Variants in LMBR1 observed in about 807,000 individuals in gnomAD.
The protein encoded by LMBR1 is limb development membrane protein 1.
LMBR1 carries 52 observed loss-of-function variants against 73.9 expected under a neutral mutation model. That is an observed-to-expected ratio of 0.70 (90% CI 0.56 to 0.89). LMBR1 has a LOEUF of 0.89. Among genes scored for constraint, LMBR1 ranks in the 40% least tolerant of loss-of-function variants. The probability of loss-of-function intolerance (pLI) is 0.00; values close to 1 mark genes in which losing one functional copy is unlikely to be tolerated. For synonymous variants in LMBR1, 215 were observed against 209.4 expected, an observed-to-expected ratio of 1.03 and a Z score of -0.23; for missense variants, 539 against 579.8, an observed-to-expected ratio of 0.93 and a Z score of 0.72.
rs752911856 is a variant in LMBR1, at chr7:156,724,141, G to C, written c.1196C>G (p.Ser399Cys). The C allele has an allele frequency of 1.9e-6, 3 of 1,611,098 alleles. No homozygotes were observed. Among genetic ancestry groups the C allele is most frequent in the Non-Finnish European group, 2.5e-6 (3 of 1,178,510 alleles). ...TGTTCTCGACATCACAGGCAGAGCA[G>C]AGCTCAAAACCAAGATGGACACACA... is the stretch of plus-strand genomic sequence containing the variant. ...GNCVSILVLS[S>C]ALPVMSRTLG... Residue 399 changes from serine (S) to cysteine (C), a missense_variant, in exon 15 of 17, where the codon TCT (serine) becomes TGT (cysteine). Ser to Cys is a moderately radical substitution (Grantham distance 112). Coordinates refer to ENST00000353442, the MANE Select transcript of LMBR1 (RefSeq NM_022458.4).
chr7:156,831,603 A>T (rs1836707460), intron 3 of LMBR1, among the ~76,000 whole-genome samples: 2 of 152,124 alleles, frequency 1.3e-5, no homozygotes. Flanking sequence ...GACCTTCAGG[A>T]AGAGGATTTC....
Position 156,669,518 on chromosome 7 carries a change from G to A in LMBR1, n.867-231C>T, listed in dbSNP as rs1055675950. Among the ~76,000 whole-genome samples the A allele has an allele frequency of 2.0e-5, 3 of 152,172 alleles. No homozygotes were observed. Among genetic ancestry groups the A allele is most frequent in the Non-Finnish European group, 4.4e-5 (3 of 68,026 alleles). On this transcript the variant is annotated intron_variant and non_coding_transcript_variant, in intron 4 of 4. Transcript: ENST00000430825. The surrounding 1 kb of genome is among the most constrained non-coding windows in gnomAD (Gnocchi z 4.2). The stretch of plus-strand genomic sequence containing the variant: ...CACGGCTTAGCATGTGGGAGGGGCA[G>A]GCTGGCAGAGTGTGAGCCGCTGGGC...
chr7:156,688,275 G>A (rs1467147164), intron 15 of LMBR1, 84 bp from the exon 16 acceptor site: 11 of 886,524 alleles, frequency 1.2e-5, no homozygotes, highest in African/African-American at 1.2e-4. Context: ...AAGTTAGATC[G>A]AATTCTATGG....
chr7:156,887,770 C>G (rs1802175514), intron 1 of LMBR1, among the ~76,000 whole-genome samples: 1 of 152,142 alleles, frequency 6.6e-6, no homozygotes, highest in African/African-American at 2.4e-5. Flanking sequence ...AATCACATGT[C>G]TGATAAGGGG....
At chr7:156,744,182 T>A (rs1819421230) in intron 9 of LMBR1, among the ~76,000 whole-genome samples, 1 of 152,118 alleles carries the variant, frequency 6.6e-6, no homozygotes, top group Admixed American at 6.6e-5. Flanking sequence ...GGACTACAGG[T>A]GCGTGCCGCC....
intron 5 of LMBR1, among the ~76,000 whole-genome samples, chr7:156,765,077 C>T (rs1485178593): frequency 6.6e-6 from 1 of 152,176 alleles, no homozygotes; most frequent in Non-Finnish European, 1.5e-5. Flanking sequence ...AGCTATTAAT[C>T]ACAGGAGATG....
intron 1 of LMBR1, among the ~76,000 whole-genome samples, chr7:156,875,738 TAC>T (rs1219039570): frequency 1.3e-5 from 2 of 152,134 alleles, no homozygotes; most frequent in African/African-American, 4.8e-5. Context: ...GAAGGAAAGA[TAC>T]AGTCTTTTTC....
chr7:156,873,752 A>G (rs1799706351), intron 1 of LMBR1, among the ~76,000 whole-genome samples: 1 of 148,894 alleles, frequency 6.7e-6, no homozygotes. Context: ...TGATTGGTGT[A>G]TTTACAATCC....
At position 156,769,101 on chromosome 7, in the gene LMBR1, A is replaced by G. The variant is rs995497901; in HGVS notation, c.424-5306T>C. 7.2e-5 allele frequency among the ~76,000 whole-genome samples: 11 copies of G among 152,136 alleles called. No individual in the cohort carries two copies. The highest frequency in any genetic ancestry group is 2.7e-4 in the African/African-American group (11 of 41,414). On this transcript the variant is annotated intron_variant, in intron 5 of 16. Coordinates refer to ENST00000353442, the MANE Select transcript of LMBR1 (RefSeq NM_022458.4). The stretch of plus-strand genomic sequence containing the variant: ...TAGTATGATCATGTAAAACACGAAT[A>G]CCAATTTAATATAGAGTCAGCAGTG...
At chr7:156,728,362 G>T (rs966512856) in intron 11 of LMBR1, among the ~76,000 whole-genome samples, 1 of 152,122 alleles carries the variant, frequency 6.6e-6, no homozygotes, top group African/African-American at 2.4e-5. Context: ...TTTAAAGCAG[G>T]TTATCTGCAA....
At chr7:156,698,803 C>T (rs974084441) in intron 15 of LMBR1, among the ~76,000 whole-genome samples, 9 of 152,194 alleles carry the variant, frequency 5.9e-5, no homozygotes, top group Admixed American at 2.0e-4. Flanking sequence ...ACACTTTCCC[C>T]ATTATCTTGG....
At chr7:156,772,084 A>G (rs1825290558) in intron 5 of LMBR1, among the ~76,000 whole-genome samples, 1 of 151,780 alleles carries the variant, frequency 6.6e-6, no homozygotes, top group African/African-American at 2.4e-5. Flanking sequence ...GACCAGCCTG[A>G]CCAACATGGT....
At chr7:156,820,582 C>G (rs1260694349) in intron 4 of LMBR1, among the ~76,000 whole-genome samples, 4 of 152,134 alleles carry the variant, frequency 2.6e-5, no homozygotes, top group African/African-American at 9.7e-5. Flanking sequence ...AGTGAAATTT[C>G]TAGGGGTCCA....
downstream of LMBR1, among the ~76,000 whole-genome samples, chr7:156,674,323 G>A (rs557207056): frequency 1.2e-4 from 19 of 152,316 alleles, no homozygotes; most frequent in East Asian, 2.3e-3. Flanking sequence ...ACTACTTCAC[G>A]TGGCCCCACC....
At chr7:156,691,952 AC>A (rs1807281557) in intron 15 of LMBR1, among the ~76,000 whole-genome samples, 1 of 152,236 alleles carries the variant, frequency 6.6e-6, no homozygotes, top group Admixed American at 6.5e-5. Context: ...TCATTTTAAA[AC>A]AGGAATAATT....
chr7:156,706,660 A>T (rs79464836), intron 15 of LMBR1, among the ~76,000 whole-genome samples: 5,597 of 151,366 alleles, frequency 0.037, 336 homozygotes, highest in African/African-American at 0.13. Context: ...GTCAGAAATT[A>T]AAAAAAAAAT....
At chr7:156,746,406 A>G (rs1340538300) in intron 9 of LMBR1, among the ~76,000 whole-genome samples, 1 of 152,208 alleles carries the variant, frequency 6.6e-6, no homozygotes, top group Non-Finnish European at 1.5e-5. Context: ...AAATTAAGTG[A>G]AAAGACAAAA....
In LMBR1 at chr7:156,681,194, C is replaced by T. The variant is rs1465753261; in HGVS notation, c.*2884G>A. The T allele has an allele frequency of 1.1e-5, 5 of 453,714 alleles. No homozygotes were observed. The highest frequency in any genetic ancestry group is 7.0e-5 in the East Asian group (1 of 14,324). 28.1% of individuals were successfully genotyped at this position (453,714 alleles called of 1,614,324 possible). On this transcript the variant is annotated 3_prime_UTR_variant, in exon 17 of 17. Transcript: ENST00000353442. ...GATGAAAACCTGTGTCCCTGGCAGA[C>T]GAGGTCATCACTGAGGCTGCAGGGA...
At chr7:156,892,846 C>CGGGGGCCCGGGGGCCCG (rs766816636) in intron 1 of LMBR1, 82 bp downstream of exon 1, 2 of 685,690 alleles carry the variant, frequency 2.9e-6, no homozygotes, top group East Asian at 4.1e-5. Flanking sequence ...GTGAGGGGTC[C>CGGGGGCCCGGGGGCCCG]GGGGACCGGG....
Sources: gnomAD v4.1 joint callset for allele counts (sites outside exome capture counted in the v4.1 genomes callset) on GRCh38, gnomAD v4.1.1 for gene constraint, Gnocchi (gnomAD v3.1) non-coding constraint, MANE v1.5 for transcripts, NCBI Gene and HGNC (gene_info 2026-07-23, HGNC 2026-07-21) for gene names.